RAB38: variants seen among roughly 807,000 people sequenced by gnomAD.
RAB38 encodes ras-related protein Rab-38.
Under a neutral mutation model 18.4 loss-of-function variants are expected in RAB38, and 15 were observed. That is an observed-to-expected ratio of 0.82 (90% CI 0.55 to 1.26). The LOEUF (loss-of-function observed/expected upper bound fraction) is 1.26. RAB38 is among the 50% of genes most tolerant of loss of function. The pLI, the probability that RAB38 is intolerant of heterozygous loss-of-function variation, is 0.00. For synonymous variants in RAB38, 101 were observed against 104.4 expected, an observed-to-expected ratio of 0.97 and a Z score of 0.20; for missense variants, 294 against 267.4, an observed-to-expected ratio of 1.10 and a Z score of -0.69.
chr11:87,921,721 C>T, the RAB38 span, among the ~76,000 whole-genome samples: 3 of 151,646 alleles, frequency 2.0e-5, no homozygotes, highest in Non-Finnish European at 4.4e-5. Flanking sequence ...CTAGTATGTG[C>T]CTGGCACATA....
At chr11:87,940,334 T>C in the RAB38 span, among the ~76,000 whole-genome samples, 1 of 152,144 alleles carries the variant, frequency 6.6e-6, no homozygotes, top group Non-Finnish European at 1.5e-5. Flanking sequence ...CACTCATCTC[T>C]CTTTGCCCAG....
At chr11:88,098,114 AAT>A in the RAB38 span, 21 of 151,604 alleles carry the variant, frequency 1.4e-4, no homozygotes, top group African/African-American at 4.3e-4. Flanking sequence ...TAAATAAATA[AAT>A]AGAGTCTTAT....
intron 2 of RAB38, among the ~76,000 whole-genome samples, chr11:88,133,855 G>C (rs192332251): frequency 6.6e-6 from 1 of 152,280 alleles, no homozygotes; most frequent in East Asian, 1.9e-4. Context: ...AGAGTCCACT[G>C]AGTTCTAGTC....
At chr11:88,037,093 A>T in the RAB38 span, among the ~76,000 whole-genome samples, 2 of 152,048 alleles carry the variant, frequency 1.3e-5, no homozygotes, top group African/African-American at 4.8e-5. Context: ...ATAATCATCT[A>T]GTTTGAGTGA....
In RAB38 at chr11:88,113,976, C is replaced by T. The variant is rs191124848; in HGVS notation, c.*12G>A. ...TGAGGTCATTCCTACCAGACACCAG[C>T]AAAGGTGCCTACTAGGATTTGGCAC... On this transcript the variant is annotated 3_prime_UTR_variant, in exon 3 of 3. Coordinates refer to ENST00000243662, the MANE Select transcript of RAB38 (RefSeq NM_022337.3). 1.6e-5 allele frequency: 26 copies of T among 1,613,974 alleles called. 1 individual carries two copies. In the East Asian group the frequency reaches 5.1e-4, roughly 32 times the overall value.
At chr11:88,135,604 C>T (rs1942826229) in intron 2 of RAB38, among the ~76,000 whole-genome samples, 1 of 152,176 alleles carries the variant, frequency 6.6e-6, no homozygotes, top group Non-Finnish European at 1.5e-5. Flanking sequence ...TCTTTCAACT[C>T]TGATAGTTTG....
chr11:88,161,441 T>C (rs958475563), intron 1 of RAB38, among the ~76,000 whole-genome samples: 3 of 152,026 alleles, frequency 2.0e-5, no homozygotes, highest in Admixed American at 2.0e-4. Flanking sequence ...CCATAGAATT[T>C]TAAAATTTCT....
the RAB38 span, among the ~76,000 whole-genome samples, chr11:87,939,650 G>T: frequency 6.6e-6 from 1 of 152,074 alleles, no homozygotes; most frequent in Admixed American, 6.6e-5. Context: ...TTGAGCCCAG[G>T]AGTGCGAGAG....
the RAB38 span, among the ~76,000 whole-genome samples, chr11:87,945,905 A>ATGAC: frequency 6.6e-6 from 1 of 152,162 alleles, no homozygotes; most frequent in Non-Finnish European, 1.5e-5. Flanking sequence ...GGCAGGCACT[A>ATGAC]TGACAGGCTC....
chr11:87,925,758 A>G, the RAB38 span, among the ~76,000 whole-genome samples: 5 of 152,014 alleles, frequency 3.3e-5, no homozygotes, highest in South Asian at 4.1e-4. Flanking sequence ...CTTTCTTTCT[A>G]TGAAGTTATC....
chr11:87,881,158 G>T, the RAB38 span, among the ~76,000 whole-genome samples: 2 of 151,770 alleles, frequency 1.3e-5, no homozygotes, highest in African/African-American at 4.8e-5. Flanking sequence ...TTGCTTTGTT[G>T]TAATAGCATC....
intron 1 of RAB38, among the ~76,000 whole-genome samples, chr11:88,153,379 A>T (rs1943086454): frequency 6.6e-6 from 1 of 152,188 alleles, no homozygotes; most frequent in African/African-American, 2.4e-5. Context: ...CAGTATTTTT[A>T]CTTCCAGTCA....
chr11:88,044,329 T>C, the RAB38 span, among the ~76,000 whole-genome samples: 1 of 152,004 alleles, frequency 6.6e-6, no homozygotes, highest in Non-Finnish European at 1.5e-5. Flanking sequence ...TTCTCCACTT[T>C]CCTGGGGGGC....
At chr11:88,038,338 G>A in the RAB38 span, among the ~76,000 whole-genome samples, 1 of 152,136 alleles carries the variant, frequency 6.6e-6, no homozygotes, top group Non-Finnish European at 1.5e-5. Context: ...GGAGCAGTTG[G>A]TTCCAGACCA....
At chr11:88,116,652 G>C (rs1942556683) in intron 2 of RAB38, among the ~76,000 whole-genome samples, 1 of 152,114 alleles carries the variant, frequency 6.6e-6, no homozygotes, top group African/African-American at 2.4e-5. Flanking sequence ...ATAAAAGTTA[G>C]TTCTTCAGTG....
At chr11:87,938,619 G>GTTTTTTTTTT in the RAB38 span, among the ~76,000 whole-genome samples, 3 of 99,848 alleles carry the variant, frequency 3.0e-5, no homozygotes, top group African/African-American at 1.3e-4. Flanking sequence ...GCTCTTTTCC[G>GTTTTTTTTTT]TTTTTTTTTT....
chr11:87,966,478 A>T, the RAB38 span, among the ~76,000 whole-genome samples: 1 of 152,170 alleles, frequency 6.6e-6, no homozygotes, highest in Non-Finnish European at 1.5e-5. Flanking sequence ...CCATTATGAC[A>T]GGGGATATAA....
the RAB38 span, among the ~76,000 whole-genome samples, chr11:88,053,587 T>C: frequency 9.7e-4 from 147 of 151,464 alleles, no homozygotes; most frequent in Admixed American, 2.8e-3. Context: ...GTGAGAAAGA[T>C]GCATTTATAA....
the RAB38 span, among the ~76,000 whole-genome samples, chr11:87,914,651 G>A: frequency 1.3e-5 from 2 of 152,264 alleles, no homozygotes; most frequent in East Asian, 3.9e-4. Flanking sequence ...GTGACTGCTT[G>A]TTACGTAATA....
Sources: allele counts gnomAD v4.1 joint callset (sites outside exome capture counted in the v4.1 genomes callset), GRCh38; gene constraint gnomAD v4.1.1; transcripts MANE v1.5; gene names NCBI Gene and HGNC (gene_info 2026-07-23, HGNC 2026-07-21).